The following DOCK1 variants were observed in gnomAD, a reference collection of about 807,000 sequenced individuals.
DOCK1 encodes the protein dedicator of cytokinesis protein 1.
In DOCK1, 138 loss-of-function variants were observed where a neutral mutation model predicts 262.7. That is an observed-to-expected ratio of 0.53 (90% confidence interval 0.46 to 0.61). The LOEUF is 0.61. Among genes scored for constraint, DOCK1 ranks in the 20% least tolerant of loss-of-function variants. DOCK1 has a pLI of 0.00. For missense variants in DOCK1, 1,908 were observed against 2,370.7 expected (o/e 0.80, Z 4.05); for synonymous variants, 866 against 867.4 (o/e 1.00, Z 0.03).
intron 33 of DOCK1, among the ~76,000 whole-genome samples, chr10:127,363,122 A>G (rs543066867): frequency 7.5e-6 from 1 of 132,954 alleles, no homozygotes; most frequent in South Asian, 2.6e-4. Flanking sequence ...CTTTCTCCTT[A>G]GTGTACTAAT....
chr10:127,022,583 A>T (rs1272645262), intron 13 of DOCK1, among the ~76,000 whole-genome samples: 1 of 151,908 alleles, frequency 6.6e-6, no homozygotes, highest in Non-Finnish European at 1.5e-5. Flanking sequence ...TTTAGTAGAG[A>T]TGAGGGTTCA....
intron 1 of DOCK1, among the ~76,000 whole-genome samples, chr10:126,947,319 T>C (rs2035515335): frequency 1.4e-5 from 2 of 142,532 alleles, no homozygotes; most frequent in African/African-American, 5.3e-5. Context: ...GTGGTGATGG[T>C]GGTGGTTGGT....
intron 48 of DOCK1, among the ~76,000 whole-genome samples, chr10:127,434,196 A>C (rs1386423500): frequency 6.6e-6 from 1 of 150,622 alleles, no homozygotes; most frequent in Admixed American, 6.6e-5. Flanking sequence ...TGGAGAGCAA[A>C]TGTTTTGTTT....
intron 27 of DOCK1, among the ~76,000 whole-genome samples, chr10:127,157,105 C>T (rs1037446657): frequency 2.0e-5 from 3 of 152,102 alleles, no homozygotes; most frequent in Admixed American, 6.5e-5. Flanking sequence ...AATGAGCGAA[C>T]GGTTAATTTT....
At chr10:126,940,026 G>A (rs2134242778) in intron 1 of DOCK1, among the ~76,000 whole-genome samples, 1 of 152,256 alleles carries the variant, frequency 6.6e-6, no homozygotes, top group Non-Finnish European at 1.5e-5. Flanking sequence ...CAGATTTGGA[G>A]GAGAAGCAAG....
chr10:126,980,851 A>G (rs998861591), intron 3 of DOCK1, among the ~76,000 whole-genome samples: 27 of 152,012 alleles, frequency 1.8e-4, no homozygotes, highest in Non-Finnish European at 3.8e-4. Context: ...GCTGCGTTGC[A>G]CTGCCCAAGA....
At position 127,106,232 on chromosome 10, in the gene DOCK1, G is replaced by T. The variant is rs2048521359; in HGVS notation, c.2447G>T (p.Gly816Val). The change falls in exon 24 of 52, where the codon GGG becomes GTG. Residue 816 changes from glycine to valine, a missense_variant and splice_region_variant. Physicochemically the swap from Gly to Val is moderately radical, Grantham distance 109 (BLOSUM62 -3). Transcript: ENST00000623213. ...GCCTTCTTGTTTCTTGATTTGCAGG[G>T]GGCAGCACTGAAATACTTACCAACG... ...SMSDQTVRVK[G>V]AALKYLPTIV... is the part of the protein sequence containing the mutation. The T allele has an allele frequency of 1.3e-6, 2 of 1,583,624 alleles. No homozygotes were observed. The highest frequency in any genetic ancestry group is 1.7e-6 in the Non-Finnish European group (2 of 1,162,954).
intron 1 of DOCK1, among the ~76,000 whole-genome samples, chr10:126,928,834 C>T (rs2033970646): frequency 6.6e-6 from 1 of 152,226 alleles, no homozygotes; most frequent in Non-Finnish European, 1.5e-5. Context: ...TTCTTCCTCT[C>T]CTCTATTTCT....
intron 19 of DOCK1, among the ~76,000 whole-genome samples, chr10:127,040,081 CAGGTG>C (rs2135604970): frequency 6.6e-6 from 1 of 152,296 alleles, no homozygotes; most frequent in South Asian, 2.1e-4. Context: ...TGGGTGGGAC[CAGGTG>C]GTCTACTTCA....
chr10:127,101,684 G>A (rs527849912), intron 23 of DOCK1, among the ~76,000 whole-genome samples: 6 of 152,312 alleles, frequency 3.9e-5, no homozygotes, highest in African/African-American at 1.4e-4. Flanking sequence ...TTCACACAGT[G>A]TCCGGCAGCC....
chr10:127,175,404 A>T lies in DOCK1; in HGVS notation c.2847+47640A>T. ...CGCTGTGGGACTAGGCTGGTTCCCC[A>T]GCCCCGGCGGGGTGTGAGTCTGCGA... On this transcript the variant is annotated intron_variant, in intron 27 of 51. Transcript: ENST00000623213. The surrounding 1 kb of genome is among the most constrained non-coding windows in gnomAD (Gnocchi z 6.3). The T allele has an allele frequency of 9.3e-6, 15 of 1,613,616 alleles. No individual in the cohort carries two copies. Among genetic ancestry groups the T allele is most frequent in the Non-Finnish European group, 1.3e-5 (15 of 1,180,040 alleles).
chr10:127,232,479 GC>G (rs1452646278), intron 27 of DOCK1, among the ~76,000 whole-genome samples: 1 of 152,136 alleles, frequency 6.6e-6, no homozygotes, highest in East Asian at 1.9e-4. Flanking sequence ...TTATAGGTCT[GC>G]GCCTTGGTCC....
chr10:127,098,799 G>A (rs2048063072), intron 23 of DOCK1, among the ~76,000 whole-genome samples: 1 of 152,098 alleles, frequency 6.6e-6, no homozygotes, highest in South Asian at 2.1e-4. Context: ...GATGTCCCCT[G>A]CTTCGTCTGT....
chr10:127,292,936 G>A (rs2061394226), intron 29 of DOCK1, among the ~76,000 whole-genome samples: 1 of 152,088 alleles, frequency 6.6e-6, no homozygotes, highest in African/African-American at 2.4e-5. Context: ...TAAAAACAGG[G>A]GTGGGAAGTC....
intron 37 of DOCK1, among the ~76,000 whole-genome samples, chr10:127,383,853 A>G (rs1210795991): frequency 2.0e-5 from 3 of 152,106 alleles, no homozygotes; most frequent in Non-Finnish European, 4.4e-5. Flanking sequence ...GTGGGAGCAC[A>G]TGCCTCCTGC....
intron 29 of DOCK1, among the ~76,000 whole-genome samples, chr10:127,309,852 G>T (rs891566505): frequency 1.3e-5 from 2 of 151,418 alleles, no homozygotes; most frequent in Non-Finnish European, 2.9e-5. Context: ...TATATCTTGT[G>T]TGTTAGGTTA....
intron 29 of DOCK1, among the ~76,000 whole-genome samples, chr10:127,287,345 A>G (rs568467301): frequency 2.6e-5 from 4 of 152,052 alleles, no homozygotes; most frequent in African/African-American, 7.2e-5. Context: ...GTGCACCACC[A>G]TGCCCAGCTA....
intron 23 of DOCK1, among the ~76,000 whole-genome samples, chr10:127,095,780 A>T (rs889378320): frequency 6.6e-6 from 1 of 152,196 alleles, no homozygotes; most frequent in African/African-American, 2.4e-5. Flanking sequence ...GAAACCCAGG[A>T]GACCCGTTCC....
chr10:127,261,285 G>C (rs1489318618), intron 29 of DOCK1, among the ~76,000 whole-genome samples: 1 of 125,370 alleles, frequency 8.0e-6, no homozygotes, highest in Non-Finnish European at 1.7e-5. Flanking sequence ...GCCTGCATGT[G>C]TGTGCATGTG....
Sources: gnomAD v4.1 joint callset for allele counts (sites outside exome capture counted in the v4.1 genomes callset) on GRCh38, gnomAD v4.1.1 for gene constraint, Gnocchi (gnomAD v3.1) non-coding constraint, MANE v1.5 for transcripts, NCBI Gene and HGNC (gene_info 2026-07-23, HGNC 2026-07-21) for gene names.